Variants in SLC7A2 observed in about 807,000 individuals in gnomAD.
SLC7A2 encodes cationic amino acid transporter 2.
A neutral mutation model predicts 58.9 loss-of-function variants in SLC7A2; 48 were observed. The ratio of observed to expected loss-of-function variants is 0.82; its 90% confidence interval spans 0.65 to 1.04. SLC7A2 has a LOEUF of 1.04. Ranked by LOEUF, SLC7A2 falls within the 50% of genes least tolerant of loss-of-function variation. The pLI is 0.00. For synonymous variants in SLC7A2, 363 were observed against 314.5 expected (o/e 1.15, Z -1.63); for missense variants, 1,029 against 818.8 (o/e 1.26, Z -3.13).
intron 2 of SLC7A2, among the ~76,000 whole-genome samples, chr8:17,540,756 G>GT (rs1461300453): frequency 3.9e-5 from 6 of 151,988 alleles, no homozygotes; most frequent in Non-Finnish European, 7.4e-5. Context: ...TTTTTATGCT[G>GT]TTTTTTCTTT....
At chr8:17,507,220 C>T (rs958137546) in intron 2 of SLC7A2, among the ~76,000 whole-genome samples, 1 of 152,172 alleles carries the variant, frequency 6.6e-6, no homozygotes, top group Non-Finnish European at 1.5e-5. Context: ...GCTGCGATTA[C>T]AGGCGTGAGC....
intron 2 of SLC7A2, among the ~76,000 whole-genome samples, chr8:17,515,137 G>A (rs1038980923): frequency 3.9e-5 from 6 of 152,114 alleles, no homozygotes; most frequent in African/African-American, 1.2e-4. Flanking sequence ...CTTAAGAAAC[G>A]TTTACCAACT....
rs370484084 is a variant in SLC7A2 at position 17,548,742 on chromosome 8, T to A, written c.597T>A (p.Ile199=). ...ATAAAGTCTTCACAGCTGTTAATAT[T>A]CTCGTCCTTCTGTTTGTGATGGTTG... is the stretch of plus-strand genomic sequence containing the variant. ...WVNKVFTAVN[I]LVLLFVMVAG... is the part of the protein sequence containing the mutation. The change falls in exon 5 of 13, where the codon ATT becomes ATA. Residue 199 remains isoleucine, a synonymous_variant. Transcript: ENST00000494857. 6.2e-6 allele frequency: 10 copies of A among 1,613,852 alleles called. No homozygotes were observed. In the South Asian group the frequency reaches 1.1e-4, roughly 18 times the overall value.
chr8:17,506,986 C>G (rs959782022), intron 2 of SLC7A2, among the ~76,000 whole-genome samples: 2 of 147,906 alleles, frequency 1.4e-5, no homozygotes, highest in African/African-American at 5.0e-5. Context: ...CACTCTGTTG[C>G]CAGGCTGGAG....
chr8:17,500,962 A>G (rs1800134757), intron 1 of SLC7A2, among the ~76,000 whole-genome samples: 1 of 151,106 alleles, frequency 6.6e-6, no homozygotes, highest in South Asian at 2.1e-4. Context: ...GTTATATATC[A>G]GTCTATGGAA....
intron 1 of SLC7A2, among the ~76,000 whole-genome samples, chr8:17,499,643 T>C (rs1373725386): frequency 6.6e-6 from 1 of 151,662 alleles, no homozygotes; most frequent in Non-Finnish European, 1.5e-5. Context: ...AATATATTTC[T>C]AAATACTCAC....
At chr8:17,541,091 T>G (rs1486072262) in intron 2 of SLC7A2, among the ~76,000 whole-genome samples, 1 of 152,194 alleles carries the variant, frequency 6.6e-6, no homozygotes, top group Non-Finnish European at 1.5e-5. Context: ...GGGTCTTTGT[T>G]TCTGAGCACT....
chr8:17,568,719 C>G lies in SLC7A2; in HGVS notation c.*3573C>G, dbSNP rs939823053. On this transcript the variant is annotated 3_prime_UTR_variant, in exon 13 of 13. Transcript: ENST00000494857. ...TCGCTCACACCTATAATCCTAGGAT[C>G]TTGGGAGGTCGAGGCAAGCTGATCG... 4 of 151,972 alleles carry G rather than the reference C, an allele frequency of 2.6e-5. No homozygotes were observed. Among genetic ancestry groups the G allele is most frequent in the Non-Finnish European group, 4.4e-5 (3 of 68,006 alleles). The allele number at this position is 151,972 out of a possible 1,614,324, so 9.4% of individuals were successfully genotyped here.
At chr8:17,525,046 C>G (rs1422088095) in intron 2 of SLC7A2, among the ~76,000 whole-genome samples, 1 of 152,116 alleles carries the variant, frequency 6.6e-6, no homozygotes, top group Non-Finnish European at 1.5e-5. Flanking sequence ...AACCATTTTT[C>G]CACATATTCC....
chr8:17,498,258 G>C (rs560466733), intron 1 of SLC7A2, among the ~76,000 whole-genome samples: 1 of 152,302 alleles, frequency 6.6e-6, no homozygotes, highest in Non-Finnish European at 1.5e-5. Context: ...TCAAATAAGA[G>C]CTCTCTGAAT....
chr8:17,510,648 T>C (rs1800566216), intron 2 of SLC7A2: 2 of 152,200 alleles, frequency 1.3e-5, no homozygotes, highest in Non-Finnish European at 2.9e-5. Context: ...TAAGTGTCTG[T>C]TCATATCTTT....
At chr8:17,514,732 C>T (rs1208968276) in intron 2 of SLC7A2, among the ~76,000 whole-genome samples, 2 of 152,122 alleles carry the variant, frequency 1.3e-5, no homozygotes, top group Non-Finnish European at 2.9e-5. Flanking sequence ...CAATAAAGGC[C>T]TCATTCCTAA....
At chr8:17,559,289 A>G (rs1470156304) in intron 9 of SLC7A2, among the ~76,000 whole-genome samples, 1 of 152,176 alleles carries the variant, frequency 6.6e-6, no homozygotes, top group African/African-American at 2.4e-5. Flanking sequence ...AAGAAGTTTA[A>G]TTGACTCACA....
rs192443900 is a variant in SLC7A2 at position 17,528,920 on chromosome 8, C to T, written c.-22-14398C>T. Among the ~76,000 whole-genome samples the T allele has an allele frequency of 1.2e-3, 175 of 152,146 alleles. 2 individuals carry two copies. Among genetic ancestry groups the T allele is most frequent in the African/African-American group, 3.9e-3 (160 of 41,520 alleles). ...GGATGTCCTTGAAACTCGGGGCTCT[C>T]GGGGCCCATACAACATGGCCGCCTG... On this transcript the variant is annotated intron_variant, in intron 2 of 12. Transcript: ENST00000494857.
At chr8:17,497,438 G>A (rs1335502505) in intron 1 of SLC7A2, among the ~76,000 whole-genome samples, 2 of 152,270 alleles carry the variant, frequency 1.3e-5, no homozygotes, top group African/African-American at 2.4e-5. Flanking sequence ...GGGAGTCGGG[G>A]CCGTGGGCTG....
At chr8:17,555,508 C>A (rs765534695) in intron 8 of SLC7A2, among the ~76,000 whole-genome samples, 1 of 151,938 alleles carries the variant, frequency 6.6e-6, no homozygotes, top group Non-Finnish European at 1.5e-5. Context: ...CTAGGATATA[C>A]GTCGAATATT....
intron 1 of SLC7A2, chr8:17,500,408 ATGT>A (rs1338164440): frequency 6.6e-6 from 1 of 152,088 alleles, no homozygotes; most frequent in Non-Finnish European, 1.5e-5. Context: ...GGTTATGGAA[ATGT>A]TGTGGATGAT....
chr8:17,551,735 A>G (rs765818430), intron 6 of SLC7A2, 29 bp from the exon 7 acceptor site: 2 of 1,483,724 alleles, frequency 1.3e-6, no homozygotes, highest in East Asian at 2.3e-5. Context: ...TTTATTAAGC[A>G]TACACATCTT....
At chr8:17,526,412 A>G (rs1415464356) in intron 2 of SLC7A2, among the ~76,000 whole-genome samples, 1 of 152,186 alleles carries the variant, frequency 6.6e-6, no homozygotes, top group Non-Finnish European at 1.5e-5. Flanking sequence ...GTCTTTACAC[A>G]AAGAAGGGCC....
Sources: gnomAD v4.1 joint callset for allele counts (sites outside exome capture counted in the v4.1 genomes callset) on GRCh38, gnomAD v4.1.1 for gene constraint, MANE v1.5 for transcripts, NCBI Gene and HGNC (gene_info 2026-07-23, HGNC 2026-07-21) for gene names.